The following DCHS2 variants were observed in gnomAD, a reference collection of about 807,000 sequenced individuals.
DCHS2 encodes the protein protocadherin-23.
Under a neutral mutation model 182.4 loss-of-function variants are expected in DCHS2, and 142 were observed. That is an observed-to-expected ratio of 0.78 (90% confidence interval 0.68 to 0.89). The LOEUF (loss-of-function observed/expected upper bound fraction) is 0.89, where lower values mean the gene tolerates loss of function less well. Among genes scored for constraint, DCHS2 ranks in the 40% least tolerant of loss-of-function variants. DCHS2 has a pLI of 0.00. For missense variants in DCHS2, 4,319 were observed against 4,198.6 expected, an observed-to-expected ratio of 1.03 and a Z score of -0.79; for synonymous variants, 1,740 against 1,663.3, an observed-to-expected ratio of 1.05 and a Z score of -1.12.
intron 1 of DCHS2, among the ~76,000 whole-genome samples, chr4:154,390,995 T>A (rs939799064): frequency 5.3e-5 from 8 of 152,302 alleles, no homozygotes; most frequent in African/African-American, 1.9e-4. Flanking sequence ...CCATAAAACT[T>A]TAAATGACAA....
In DCHS2 at chr4:154,491,254, C is replaced by A. The variant is rs548763748; in HGVS notation, c.102G>T (p.Gly34=). Reference sequence around the variant, plus strand: ...TCCTGGCGCCGCTGCTGCCTGACCGCCCATGGGGTGTATCTCTCCTCCCGG... The same window carrying A: ...TCCTGGCGCCGCTGCTGCCTGACCGACCATGGGGTGTATCTCTCCTCCCGG... ...LLPGRRDTPH[G]RSGSSGARTQ... Residue 34 remains glycine, a synonymous_variant, in exon 1 of 20, where the codon GGG becomes GGT. Transcript: ENST00000357232. 6.4e-7 allele frequency: 1 copy of A among 1,551,354 alleles called. No individual in the cohort carries two copies. Among genetic ancestry groups the A allele is most frequent in the Admixed American group, 2.0e-5 (1 of 51,012 alleles).
intron 9 of DCHS2, among the ~76,000 whole-genome samples, chr4:154,317,606 T>C (rs1735909133): frequency 6.6e-6 from 1 of 152,242 alleles, no homozygotes; most frequent in Non-Finnish European, 1.5e-5. Context: ...TTTTTTTCAT[T>C]CATGTAGAAA....
chr4:154,389,405 A>G (rs1425239988), intron 1 of DCHS2, among the ~76,000 whole-genome samples: 1 of 151,138 alleles, frequency 6.6e-6, no homozygotes, highest in African/African-American at 2.4e-5. Context: ...GAATGACCTC[A>G]GTCCAGTGCA....
chr4:154,420,667 G>T (rs1264839490), intron 1 of DCHS2, among the ~76,000 whole-genome samples: 4 of 152,164 alleles, frequency 2.6e-5, no homozygotes, highest in African/African-American at 9.7e-5. Context: ...GCCCTCAACT[G>T]ATGGGATAGT....
At chr4:154,396,235 A>T (rs1253239663) in intron 1 of DCHS2, among the ~76,000 whole-genome samples, 1 of 148,738 alleles carries the variant, frequency 6.7e-6, no homozygotes. Flanking sequence ...CTCAATATAT[A>T]TAGAAGAAAA....
chr4:154,301,517 T>C (rs966215895), intron 12 of DCHS2, among the ~76,000 whole-genome samples: 1 of 152,148 alleles, frequency 6.6e-6, no homozygotes, highest in Admixed American at 6.5e-5. Flanking sequence ...TTTATTTTTA[T>C]TTTTTGAGAC....
At chr4:154,377,228 A>G (rs759582756) in intron 2 of DCHS2, 25 bp downstream of exon 2, 4 of 1,604,396 alleles carry the variant, frequency 2.5e-6, no homozygotes, top group Non-Finnish European at 3.4e-6. Context: ...TATGTTTAAA[A>G]TAAACTTCAT....
At chr4:154,404,822 G>A (rs1202196183) in intron 1 of DCHS2, among the ~76,000 whole-genome samples, 2 of 152,158 alleles carry the variant, frequency 1.3e-5, no homozygotes, top group Non-Finnish European at 2.9e-5. Flanking sequence ...CATCTGAAAA[G>A]ACAAAGCCAC....
chr4:154,366,451 G>A lies in DCHS2; in HGVS notation c.2245-10C>T, dbSNP rs1227975907. 1.9e-6 allele frequency: 3 copies of A among 1,590,178 alleles called. No homozygotes were observed. The highest frequency in any genetic ancestry group is 1.7e-5 in the Admixed American group (1 of 59,396). ...GGGCACTTAGCCCACCCTGGTGGAT[G>A]AATGAGTGGTGATTACAAATGGGTT... On this transcript the variant is annotated splice_polypyrimidine_tract_variant and intron_variant, in intron 2 of 19. Transcript: ENST00000357232.
chr4:154,428,471 C>A (rs1488518280), intron 1 of DCHS2, among the ~76,000 whole-genome samples: 1 of 151,436 alleles, frequency 6.6e-6, no homozygotes, highest in Non-Finnish European at 1.5e-5. Flanking sequence ...TCTAGGAGTT[C>A]GAGGCTGCAG....
intron 1 of DCHS2, among the ~76,000 whole-genome samples, chr4:154,456,552 A>T (rs1444691653): frequency 6.6e-6 from 1 of 152,194 alleles, no homozygotes; most frequent in Non-Finnish European, 1.5e-5. Context: ...CGGAAGTGAG[A>T]TGTGAGCTGG....
chr4:154,416,139 G>T (rs1396894373), intron 1 of DCHS2, among the ~76,000 whole-genome samples: 1 of 152,112 alleles, frequency 6.6e-6, no homozygotes, highest in Non-Finnish European at 1.5e-5. Flanking sequence ...CAAGAGAAGG[G>T]GTAGGAAGAG....
At chr4:154,356,905 C>T (rs1729897079) in intron 3 of DCHS2, among the ~76,000 whole-genome samples, 1 of 152,078 alleles carries the variant, frequency 6.6e-6, no homozygotes, top group Non-Finnish European at 1.5e-5. Flanking sequence ...TCTAAACTTA[C>T]TTTTAAGTTT....
intron 1 of DCHS2, among the ~76,000 whole-genome samples, chr4:154,407,294 C>A (rs1477784397): frequency 1.3e-5 from 2 of 152,156 alleles, no homozygotes; most frequent in African/African-American, 4.8e-5. Flanking sequence ...TCCCAGGTAT[C>A]TTGTATACGA....
chr4:154,445,072 G>C (rs990447627), intron 1 of DCHS2, among the ~76,000 whole-genome samples: 1 of 152,124 alleles, frequency 6.6e-6, no homozygotes, highest in Admixed American at 6.6e-5. Flanking sequence ...AAGAGCAATG[G>C]CTGTCACTCC....
chr4:154,325,852 A>G (rs917915558), intron 7 of DCHS2, among the ~76,000 whole-genome samples: 1 of 152,250 alleles, frequency 6.6e-6, no homozygotes, highest in Non-Finnish European at 1.5e-5. Flanking sequence ...TAACTTTTCC[A>G]AGGAAAAGCA....
At chr4:154,329,016 C>T (rs1206092677) in intron 6 of DCHS2, among the ~76,000 whole-genome samples, 1 of 152,008 alleles carries the variant, frequency 6.6e-6, no homozygotes, top group East Asian at 1.9e-4. Context: ...ATACAACATA[C>T]AAAAAGACAA....
chr4:154,317,614 A>C (rs1478286716), intron 9 of DCHS2, among the ~76,000 whole-genome samples: 1 of 152,194 alleles, frequency 6.6e-6, no homozygotes, highest in Non-Finnish European at 1.5e-5. Context: ...ATTCATGTAG[A>C]AATAACTTTA....
chr4:154,437,488 C>T (rs1000440342), intron 1 of DCHS2, among the ~76,000 whole-genome samples: 2 of 152,124 alleles, frequency 1.3e-5, no homozygotes, highest in African/African-American at 4.8e-5. Context: ...TCAGGTAATT[C>T]AACAAAACAA....
Sources: gnomAD v4.1 joint callset for allele counts (sites outside exome capture counted in the v4.1 genomes callset) on GRCh38, gnomAD v4.1.1 for gene constraint, MANE v1.5 for transcripts, NCBI Gene and HGNC (gene_info 2026-07-23, HGNC 2026-07-21) for gene names.